MS4A1: variants seen among roughly 807,000 people sequenced by gnomAD.
MS4A1 encodes the protein B-lymphocyte antigen CD20.
A neutral mutation model predicts 26.5 loss-of-function variants in MS4A1; 16 were observed. The ratio of observed to expected loss-of-function variants is 0.60; its 90% CI spans 0.41 to 0.92. The LOEUF (loss-of-function observed/expected upper bound fraction) is 0.92. Among genes scored for constraint, MS4A1 ranks in the 40% least tolerant of loss-of-function variants. The pLI is 0.00. For missense variants in MS4A1, 350 were observed against 353.0 expected (o/e 0.99, Z 0.07); for synonymous variants, 128 against 117.6 (o/e 1.09, Z -0.57).
In MS4A1 at chr11:60,464,270, C is replaced by T. The variant is rs200047477; in HGVS notation, c.280-18C>T. 1 of 1,604,272 alleles carries T rather than the reference C, an allele frequency of 6.2e-7. No homozygotes were observed. Among genetic ancestry groups the T allele is most frequent in the Non-Finnish European group, 8.5e-7 (1 of 1,172,114 alleles). On this transcript the variant is annotated intron_variant, in intron 4 of 7. Transcript: ENST00000345732. ...TTGCCCACCCCCTCTCCATCTCCCCCACCTCTCTTTTTTACAGTATATTAT... is the reference window on the plus strand; with the variant it reads ...TTGCCCACCCCCTCTCCATCTCCCCTACCTCTCTTTTTTACAGTATATTAT...
At chr11:60,458,878 CAT>C (rs776654946) in intron 1 of MS4A1, among the ~76,000 whole-genome samples, 4 of 152,022 alleles carry the variant, frequency 2.6e-5, no homozygotes, top group Admixed American at 1.3e-4. Context: ...AGAAAGCACT[CAT>C]GTGTTTCTTT....
intron 6 of MS4A1, 54 bp from the exon 7 acceptor site, chr11:60,466,905 A>G (rs994242766): frequency 2.6e-6 from 4 of 1,525,738 alleles, no homozygotes; most frequent in Non-Finnish European, 2.7e-6. Context: ...AACACCAACA[A>G]TGTTCTTTGT....
intron 6 of MS4A1, 96 bp from the exon 7 acceptor site, chr11:60,466,863 A>T (rs1050331546): frequency 1.7e-6 from 2 of 1,184,160 alleles, no homozygotes; most frequent in Non-Finnish European, 2.5e-6. Flanking sequence ...TGATCTCTTA[A>T]TCGTTCAATT....
At chr11:60,465,414 T>C (rs1007517909) in intron 5 of MS4A1, among the ~76,000 whole-genome samples, 5 of 152,220 alleles carry the variant, frequency 3.3e-5, no homozygotes, top group African/African-American at 1.2e-4. Flanking sequence ...TTCTGCTTTT[T>C]TTATTTCCAT....
intron 1 of MS4A1, among the ~76,000 whole-genome samples, chr11:60,457,332 G>C (rs1353176118): frequency 1.3e-5 from 2 of 152,130 alleles, no homozygotes; most frequent in African/African-American, 4.8e-5. Context: ...GGCCTTGAGG[G>C]GTTAGATGAA....
At chr11:60,460,882 T>G (rs749213848) in intron 1 of MS4A1, among the ~76,000 whole-genome samples, 190 bp from the exon 2 acceptor site, 2 of 151,842 alleles carry the variant, frequency 1.3e-5, no homozygotes, top group Admixed American at 1.3e-4. Context: ...AACTTATTTA[T>G]GTCTTACATC....
chr11:60,464,966 C>T (rs986156643), intron 5 of MS4A1, among the ~76,000 whole-genome samples: 2 of 152,162 alleles, frequency 1.3e-5, no homozygotes, highest in African/African-American at 2.4e-5. Context: ...GCAGCAAGTT[C>T]GCTCCCAAAA....
At chr11:60,462,567 G>T in intron 3 of MS4A1, 34 bp downstream of exon 3, 2 of 1,613,738 alleles carry the variant, frequency 1.2e-6, no homozygotes, top group East Asian at 2.2e-5. Flanking sequence ...ATGTCGTAGG[G>T]ATTCTCTGGC....
In MS4A1 at chr11:60,470,482, A is replaced by T. The variant is rs1448681567; in HGVS notation, c.*2014A>T. On this transcript the variant is annotated 3_prime_UTR_variant, in exon 8 of 8. Transcript: ENST00000345732. ...ATTTTGAGTCATTTGTATGACCTCA[A>T]ATAATTAGTTTTAGCTGACCTCACA... 2 of 151,986 alleles carry T rather than the reference A, an allele frequency of 1.3e-5. No individual in the cohort carries two copies. The highest frequency in any genetic ancestry group is 2.9e-5 in the Non-Finnish European group (2 of 67,912). 9.4% of individuals were successfully genotyped at this position (151,986 alleles called of 1,614,324 possible). A position where few individuals can be genotyped will look rare whatever the true frequency, so the allele number is the denominator to read the frequency against.
At chr11:60,463,537 T>G (rs953074292) in intron 4 of MS4A1, among the ~76,000 whole-genome samples, 3 of 152,246 alleles carry the variant, frequency 2.0e-5, no homozygotes, top group African/African-American at 7.2e-5. Context: ...ACCTGTCCCA[T>G]CACAAGTCAG....
intron 7 of MS4A1, among the ~76,000 whole-genome samples, chr11:60,467,417 C>T (rs1374483207): frequency 2.6e-5 from 4 of 151,890 alleles, no homozygotes; most frequent in Admixed American, 2.0e-4. Flanking sequence ...GCTGGGATTA[C>T]AGGCACCCGC....
chr11:60,463,226 G>A, intron 4 of MS4A1, 105 bp downstream of exon 4: 1 of 1,493,024 alleles, frequency 6.7e-7, no homozygotes, highest in Non-Finnish European at 9.3e-7. Flanking sequence ...AAATATATGA[G>A]TAGGAAATAT....
At chr11:60,461,366 T>C (rs950048739) in intron 2 of MS4A1, among the ~76,000 whole-genome samples, 11 of 151,438 alleles carry the variant, frequency 7.3e-5, no homozygotes, top group African/African-American at 2.7e-4. Flanking sequence ...AGATAAGAAT[T>C]ATTATTATTT....
In MS4A1 at chr11:60,467,069, T is replaced by C. The variant is rs200222518; in HGVS notation, c.675+9T>C. On this transcript the variant is annotated intron_variant, in intron 7 of 7. Coordinates refer to ENST00000345732, the MANE Select transcript of MS4A1 (RefSeq NM_152866.3). ...GCTCCAGACCCAAATCTGTAAGTAG[T>C]AGCCCCTCTGGCCAAAACCTCCCTC... is the stretch of plus-strand genomic sequence containing the variant. 11 of 1,611,240 alleles carry C rather than the reference T, an allele frequency of 6.8e-6. No individual in the cohort carries two copies. Among genetic ancestry groups the C allele is most frequent in the African/African-American group, 1.3e-5 (1 of 74,852 alleles).
Position 60,462,527 on chromosome 11 carries a change from T to C in MS4A1, c.153T>C (p.Thr51=), listed in dbSNP as rs553023287. The C allele has an allele frequency of 6.2e-7, 1 of 1,614,162 alleles. No individual in the cohort carries two copies. Among genetic ancestry groups the C allele is most frequent in the South Asian group, 1.1e-5 (1 of 91,080 alleles). Residue 51 remains threonine, a synonymous_variant, in exon 3 of 8, where the codon ACT becomes ACC. Transcript: ENST00000345732. ...GCTTCTTCATGAGGGAATCTAAGAC[T>C]TTGGGGGTAAGTCAGTTGCCTTCCA... is the stretch of plus-strand genomic sequence containing the variant. ...TQSFFMRESK[T]LGAVQIMNGL...
rs1389027616 is a variant in MS4A1 at position 60,469,505 on chromosome 11, T to C, written c.*1037T>C. 3 of 152,120 alleles carry C rather than the reference T, an allele frequency of 2.0e-5. No homozygotes were observed. The highest frequency in any genetic ancestry group is 2.0e-4 in the Admixed American group (3 of 15,272). The allele number at this position is 152,120 out of a possible 1,614,324, so 9.4% of individuals were successfully genotyped here. A position where few individuals can be genotyped will look rare whatever the true frequency, so the allele number is the denominator to read the frequency against. ...GTCTGCATAAACTGTGAGAGCCAAG[T>C]CAACAGCTTTTATCAAGAATTTACT... On this transcript the variant is annotated 3_prime_UTR_variant, in exon 8 of 8. Coordinates refer to ENST00000345732, the MANE Select transcript of MS4A1 (RefSeq NM_152866.3).
intron 5 of MS4A1, 90 bp downstream of exon 5, chr11:60,464,434 T>C (rs2086274288): frequency 2.8e-6 from 3 of 1,088,828 alleles, no homozygotes; most frequent in South Asian, 2.6e-5. Context: ...AGCCAAGGTA[T>C]CACAGCCTCT....
At chr11:60,467,562 C>G (rs958726767) in intron 7 of MS4A1, among the ~76,000 whole-genome samples, 1 of 152,046 alleles carries the variant, frequency 6.6e-6, no homozygotes, top group African/African-American at 2.4e-5. Flanking sequence ...AGGCGTGAGC[C>G]ACCATGCCCC....
At position 60,462,339 on chromosome 11, in the gene MS4A1, G is replaced by C. The variant is rs779270894; in HGVS notation, c.-36G>C. ...ATCTTGTTCTTGCTCTCCTCATTTT[G>C]TTATTTGTTTTATTTTTAGGAGTTT... On this transcript the variant is annotated 5_prime_UTR_variant, in exon 3 of 8. Transcript: ENST00000345732. 1 of 1,612,832 alleles carries C rather than the reference G, an allele frequency of 6.2e-7. No individual in the cohort carries two copies. The highest frequency in any genetic ancestry group is 2.2e-5 in the East Asian group (1 of 44,878).
Sources: gnomAD v4.1 joint callset for allele counts (sites outside exome capture counted in the v4.1 genomes callset) on GRCh38, gnomAD v4.1.1 for gene constraint, MANE v1.5 for transcripts, NCBI Gene and HGNC (gene_info 2026-07-23, HGNC 2026-07-21) for gene names.